The following SGSM1 variants were observed in gnomAD, a reference collection of about 807,000 sequenced individuals.
SGSM1 encodes the protein RUN and TBC1 domain containing 2.
SGSM1 carries 73 observed loss-of-function variants against 133.8 expected under a neutral mutation model. The ratio of observed to expected loss-of-function variants is 0.55; its 90% CI spans 0.45 to 0.66. The LOEUF (loss-of-function observed/expected upper bound fraction) is 0.66. Among genes scored for constraint, SGSM1 ranks in the 30% least tolerant of loss-of-function variants. The pLI is 0.00. For synonymous variants in SGSM1, 563 were observed against 573.0 expected (o/e 0.98, Z 0.25); for missense variants, 1,213 against 1,448.1 (o/e 0.84, Z 2.64).
intron 2 of SGSM1, among the ~76,000 whole-genome samples, chr22:24,835,168 G>A (rs1482834629): frequency 2.0e-5 from 3 of 152,252 alleles, no homozygotes; most frequent in African/African-American, 7.2e-5. Context: ...GCATAAACAT[G>A]CCTGATGCAG....
chr22:24,896,200 C>G (rs1454638717), intron 18 of SGSM1, among the ~76,000 whole-genome samples: 3 of 151,556 alleles, frequency 2.0e-5, no homozygotes, highest in East Asian at 1.9e-4. Flanking sequence ...GAATGATTAC[C>G]GAGAGAGGAG....
At chr22:24,841,214 A>G (rs1351451624) in intron 2 of SGSM1, among the ~76,000 whole-genome samples, 1 of 152,112 alleles carries the variant, frequency 6.6e-6, no homozygotes, top group Non-Finnish European at 1.5e-5. Flanking sequence ...TCTTTGACAC[A>G]TTTATTATTT....
intron 2 of SGSM1, among the ~76,000 whole-genome samples, chr22:24,808,097 T>C (rs1927517160): frequency 6.6e-6 from 1 of 150,866 alleles, no homozygotes; most frequent in Non-Finnish European, 1.5e-5. Context: ...GAACCTCTTA[T>C]CTTTTTTTTT....
intron 23 of SGSM1, 59 bp from the exon 24 acceptor site, chr22:24,919,766 AG>A: frequency 6.3e-7 from 1 of 1,594,792 alleles, no homozygotes; most frequent in Non-Finnish European, 8.6e-7. Context: ...TTCCCAAGGC[AG>A]GGCAACACTG....
chr22:24,875,685 G>A (rs1379007350), intron 12 of SGSM1, among the ~76,000 whole-genome samples: 4 of 151,810 alleles, frequency 2.6e-5, no homozygotes, highest in African/African-American at 9.7e-5. Flanking sequence ...AGAAAATAAA[G>A]CTTTTGCACC....
intron 16 of SGSM1, among the ~76,000 whole-genome samples, chr22:24,888,285 ATCT>A (rs1186369225): frequency 1.3e-5 from 2 of 152,122 alleles, no homozygotes; most frequent in South Asian, 2.1e-4. Flanking sequence ...GGTCCTGAAG[ATCT>A]TCTCCTACGA....
intron 9 of SGSM1, among the ~76,000 whole-genome samples, chr22:24,862,048 A>C (rs1315661709): frequency 6.7e-6 from 1 of 148,640 alleles, no homozygotes; most frequent in African/African-American, 2.5e-5. Context: ...TCCGCCTCCC[A>C]GGTTCAAGCA....
At chr22:24,897,100 C>T (rs764466541) in intron 18 of SGSM1, among the ~76,000 whole-genome samples, 18 of 152,116 alleles carry the variant, frequency 1.2e-4, no homozygotes, top group Middle Eastern at 3.2e-3. Flanking sequence ...CAACTGCACG[C>T]GGGGCGTGGT....
At chr22:24,807,097 C>T (rs1927445925) in intron 2 of SGSM1, among the ~76,000 whole-genome samples, 1 of 151,156 alleles carries the variant, frequency 6.6e-6, no homozygotes, top group Non-Finnish European at 1.5e-5. Flanking sequence ...GGGTGAGAAT[C>T]AGAGAGGTTC....
chr22:24,900,385 T>TCTTTCTCTCTTTCTCTCTTTCTC, intron 19 of SGSM1, among the ~76,000 whole-genome samples: 1 of 71,342 alleles, frequency 1.4e-5, no homozygotes, highest in African/African-American at 5.3e-5. Context: ...CTTTCTTTCT[T>TCTTTCTCTCTTTCTCTCTTTCTC]TCTTTCTTTC....
chr22:24,903,770 G>A (rs368192836), intron 20 of SGSM1, among the ~76,000 whole-genome samples: 1 of 151,926 alleles, frequency 6.6e-6, no homozygotes, highest in African/African-American at 2.4e-5. Context: ...TCAGGAGTTC[G>A]AGACCAGCCT....
At chr22:24,893,672 T>A (rs1320576622) in intron 17 of SGSM1, 59 bp downstream of exon 17, 3 of 1,472,004 alleles carry the variant, frequency 2.0e-6, no homozygotes, top group Non-Finnish European at 2.7e-6. Flanking sequence ...GTCTGCTTCA[T>A]TGGGCTGTTC....
At chr22:24,877,223 T>A (rs1316161534) in intron 13 of SGSM1, among the ~76,000 whole-genome samples, 3 of 152,034 alleles carry the variant, frequency 2.0e-5, no homozygotes, top group Non-Finnish European at 2.9e-5. Flanking sequence ...GGCAAAATAA[T>A]CCCAGAAATA....
chr22:24,891,038 T>C (rs1416814658), intron 16 of SGSM1, among the ~76,000 whole-genome samples: 2 of 152,204 alleles, frequency 1.3e-5, no homozygotes, highest in Admixed American at 1.3e-4. Flanking sequence ...TGAGATTAAA[T>C]GGTGTAATTC....
chr22:24,839,729 A>G (rs1929675470), intron 2 of SGSM1, among the ~76,000 whole-genome samples: 2 of 152,050 alleles, frequency 1.3e-5, no homozygotes, highest in Non-Finnish European at 2.9e-5. Context: ...GTTTCTAAGA[A>G]TTTATTCATC....
chr22:24,907,872 AC>A (rs1933453953), intron 21 of SGSM1, among the ~76,000 whole-genome samples: 1 of 133,496 alleles, frequency 7.5e-6, no homozygotes, highest in Non-Finnish European at 1.5e-5. Flanking sequence ...AGATCGCGCC[AC>A]TGCACTCCAG....
At chr22:24,896,590 G>A (rs962617584) in intron 18 of SGSM1, among the ~76,000 whole-genome samples, 2 of 150,350 alleles carry the variant, frequency 1.3e-5, no homozygotes, top group East Asian at 3.9e-4. Context: ...CCACCTGGGT[G>A]TAAAAGTAAT....
intron 21 of SGSM1, 109 bp downstream of exon 21, chr22:24,905,296 G>A: frequency 9.6e-7 from 1 of 1,042,108 alleles, no homozygotes; most frequent in Non-Finnish European, 1.5e-6. Context: ...CCAGCCAGGT[G>A]CTCTGAAGGC....
rs763740052 is a variant in SGSM1, at chr22:24,924,229, G to A, written c.3237G>A (p.Ala1079=). The change falls in exon 25 of 25, where the codon GCG becomes GCA. Residue 1079 remains alanine, a synonymous_variant. Transcript: ENST00000400358. The part of the protein sequence containing the change: ...RHNTKQVLKL[A]RDLVYKVQTL... The stretch of plus-strand genomic sequence containing the variant: ...ACACCAAGCAAGTCCTGAAGCTGGC[G>A]CGGGACCTCGTGTACAAGGTGCAGA... The A allele has an allele frequency of 2.4e-5, 39 of 1,613,996 alleles. No individual in the cohort carries two copies. The highest frequency in any genetic ancestry group is 1.6e-4 in the Middle Eastern group (1 of 6,062).
Sources: gnomAD v4.1 joint callset for allele counts (sites outside exome capture counted in the v4.1 genomes callset) on GRCh38, gnomAD v4.1.1 for gene constraint, MANE v1.5 for transcripts, NCBI Gene and HGNC (gene_info 2026-07-23, HGNC 2026-07-21) for gene names.